Variants in CCSER1 observed in about 807,000 individuals in gnomAD.
CCSER1 encodes serine-rich coiled-coil domain-containing protein 1.
A neutral mutation model predicts 82.0 loss-of-function variants in CCSER1; 41 were observed. That is an observed-to-expected ratio of 0.50 (90% CI 0.39 to 0.65). The LOEUF (loss-of-function observed/expected upper bound fraction) is 0.65, where lower values mean the gene tolerates loss of function less well. Ranked by LOEUF, CCSER1 falls within the 30% of genes least tolerant of loss-of-function variation. The pLI is 0.00. For missense variants in CCSER1, 1,119 were observed against 1,064.2 expected (o/e 1.05, Z -0.72); for synonymous variants, 414 against 383.9 (o/e 1.08, Z -0.92).
intron 10 of CCSER1, among the ~76,000 whole-genome samples, chr4:91,119,158 T>G (rs2148888039): frequency 6.6e-6 from 1 of 152,280 alleles, no homozygotes; most frequent in Non-Finnish European, 1.5e-5. Context: ...TGCTTACTGC[T>G]AAGTCATGGC....
At chr4:90,641,328 A>G (rs1007226172) in intron 6 of CCSER1, among the ~76,000 whole-genome samples, 2 of 152,138 alleles carry the variant, frequency 1.3e-5, no homozygotes, top group African/African-American at 2.4e-5. Flanking sequence ...TTTAAAGAGT[A>G]AGAAGATGCT....
intron 8 of CCSER1, among the ~76,000 whole-genome samples, chr4:90,818,606 A>G (rs1759341049): frequency 6.6e-6 from 1 of 152,242 alleles, no homozygotes; most frequent in East Asian, 1.9e-4. Context: ...TTTAAATGCA[A>G]GTGTTTTAGT....
At chr4:90,753,641 T>C (rs1399242540) in intron 7 of CCSER1, among the ~76,000 whole-genome samples, 1 of 152,106 alleles carries the variant, frequency 6.6e-6, no homozygotes, top group African/African-American at 2.4e-5. Context: ...TTCCCACTCT[T>C]GTCTCCCCTG....
chr4:90,310,580 C>G (rs984713630), intron 2 of CCSER1, among the ~76,000 whole-genome samples: 9 of 152,030 alleles, frequency 5.9e-5, no homozygotes, highest in African/African-American at 2.2e-4. Flanking sequence ...TCCACAATCA[C>G]AAAACTAATA....
intron 9 of CCSER1, among the ~76,000 whole-genome samples, chr4:90,998,301 A>C (rs1737684331): frequency 6.6e-6 from 1 of 152,080 alleles, no homozygotes; most frequent in African/African-American, 2.4e-5. Flanking sequence ...GCTCGTCTCA[A>C]ACTCCGGACC....
intron 10 of CCSER1, among the ~76,000 whole-genome samples, chr4:91,446,008 T>G (rs1578478241): frequency 6.6e-6 from 1 of 152,226 alleles, no homozygotes; most frequent in African/African-American, 2.4e-5. Context: ...AGAATATATA[T>G]TATAAATAAG....
intron 10 of CCSER1, among the ~76,000 whole-genome samples, chr4:91,270,313 G>T (rs1169801673): frequency 6.6e-6 from 1 of 151,998 alleles, no homozygotes; most frequent in African/African-American, 2.4e-5. Context: ...GGTAAAAATG[G>T]TGTTGACTCT....
At chr4:90,540,024 A>C (rs1236729989) in intron 5 of CCSER1, among the ~76,000 whole-genome samples, 1 of 152,056 alleles carries the variant, frequency 6.6e-6, no homozygotes, top group Non-Finnish European at 1.5e-5. Flanking sequence ...TCAGACACTG[A>C]CCATAAGTTA....
intron 10 of CCSER1, among the ~76,000 whole-genome samples, chr4:91,352,824 A>G (rs1402669272): frequency 1.3e-5 from 2 of 152,332 alleles, no homozygotes; most frequent in African/African-American, 4.8e-5. Context: ...GCCATTGGAG[A>G]CACAGAAGTG....
intron 5 of CCSER1, among the ~76,000 whole-genome samples, chr4:90,500,143 A>G (rs567604160): frequency 1.3e-5 from 2 of 152,002 alleles, no homozygotes; most frequent in South Asian, 4.1e-4. Context: ...CCTTTTTTTC[A>G]TGCTAGAAAC....
chr4:91,337,285 T>A (rs1747387142), intron 10 of CCSER1, among the ~76,000 whole-genome samples: 3 of 152,122 alleles, frequency 2.0e-5, no homozygotes, highest in Non-Finnish European at 4.4e-5. Context: ...CACCATAATT[T>A]TCTAATATAC....
At chr4:91,541,744 G>A (rs1047903708) in intron 10 of CCSER1, among the ~76,000 whole-genome samples, 11 of 152,106 alleles carry the variant, frequency 7.2e-5, no homozygotes, top group African/African-American at 1.2e-4. Context: ...TATATACCCC[G>A]TGATGGGATG....
At chr4:91,160,727 A>G (rs1731300817) in intron 10 of CCSER1, among the ~76,000 whole-genome samples, 1 of 151,496 alleles carries the variant, frequency 6.6e-6, no homozygotes, top group African/African-American at 2.4e-5. Context: ...TCCTTTGCCC[A>G]CTTTTTGATG....
intron 10 of CCSER1, among the ~76,000 whole-genome samples, chr4:91,517,305 C>G (rs1356483226): frequency 3.3e-5 from 5 of 152,044 alleles, no homozygotes; most frequent in Non-Finnish European, 7.4e-5. Context: ...CAGCTATTGC[C>G]CCTTCCATAT....
At chr4:90,373,971 G>A (rs570539008) in intron 3 of CCSER1, among the ~76,000 whole-genome samples, 5 of 152,116 alleles carry the variant, frequency 3.3e-5, no homozygotes, top group East Asian at 1.9e-4. Flanking sequence ...AGAAAATGCC[G>A]ATACTCTAGA....
At chr4:90,178,151 A>G (rs1341467686) in intron 1 of CCSER1, among the ~76,000 whole-genome samples, 1 of 152,132 alleles carries the variant, frequency 6.6e-6, no homozygotes, top group Non-Finnish European at 1.5e-5. Flanking sequence ...TTACTTTGAA[A>G]GTAAAAATTG....
rs555979944 is a variant in CCSER1, at chr4:91,472,418, T to C, written c.2218-126154T>C. Among the ~76,000 whole-genome samples, 280 of 152,304 alleles carry C rather than the reference T, an allele frequency of 1.8e-3. 3 individuals are homozygous for C. Among genetic ancestry groups the C allele is most frequent in the African/African-American group, 6.2e-3 (259 of 41,562 alleles). On this transcript the variant is annotated intron_variant, in intron 10 of 10. Coordinates refer to ENST00000509176, the MANE Select transcript of CCSER1 (RefSeq NM_001145065.2). ...ACTTGGTAAAGATTTTACGTTTTTT[T>C]CCCATCGTATCAATCAATAGTAAAC...
Position 90,932,986 on chromosome 4 carries a change from A to AAGAAAGAAAGAAAGAAAG in CCSER1, c.2172+9541_2172+9558dup, listed in dbSNP as rs1561385213. 4.5e-4 allele frequency among the ~76,000 whole-genome samples: 13 copies of AAGAAAGAAAGAAAGAAAG among 29,162 alleles called. 4 individuals are homozygous for AAGAAAGAAAGAAAGAAAG. The highest frequency in any genetic ancestry group is 6.7e-4 in the Non-Finnish European group (10 of 14,908). 19.1% of individuals were successfully genotyped at this position (29,162 alleles called of 152,430 possible). ...AGAAAGAAAGAAAGAAAGAAAGAGAAAGAAAGAAAGAAAGAAAGAAAGAAA... is the reference window on the plus strand; with the variant it reads ...AGAAAGAAAGAAAGAAAGAAAGAGAAAGAAAGAAAGAAAGAAAGAGAAAGAAAGAAAGAAAGAAAGAAA... On this transcript the variant is annotated intron_variant, in intron 9 of 10. Coordinates refer to ENST00000509176, the MANE Select transcript of CCSER1 (RefSeq NM_001145065.2).
intron 7 of CCSER1, among the ~76,000 whole-genome samples, chr4:90,791,257 A>T (rs1214556278): frequency 6.6e-6 from 1 of 152,200 alleles, no homozygotes; most frequent in African/African-American, 2.4e-5. Context: ...GATTAAGGGA[A>T]CTACAATTCA....
Sources: allele counts gnomAD v4.1 joint callset (sites outside exome capture counted in the v4.1 genomes callset), GRCh38; gene constraint gnomAD v4.1.1; transcripts MANE v1.5; gene names NCBI Gene and HGNC (gene_info 2026-07-23, HGNC 2026-07-21).